The following SAMMSON variants were observed in gnomAD, a reference collection of about 807,000 sequenced individuals.
The protein encoded by SAMMSON is long intergenic non-protein coding RNA 1212.
At chr3:70,144,536 T>A (rs1337718251) in intron 4 of SAMMSON, among the ~76,000 whole-genome samples, 1 of 152,176 alleles carries the variant, frequency 6.6e-6, no homozygotes, top group Non-Finnish European at 1.5e-5. Flanking sequence ...CTGAACTTTA[T>A]CTAAAATGTC....
rs1701280331 is a variant in SAMMSON, at chr3:70,205,403, C to T, written n.508-43704C>T. 3 of 152,134 alleles carry T rather than the reference C, an allele frequency of 2.0e-5. 1 individual carries two copies. The Middle Eastern group carries it at 0.01, about 517-fold the overall frequency. The allele number at this position is 152,134 out of a possible 1,614,324, so 9.4% of individuals were successfully genotyped here. The stretch of plus-strand genomic sequence containing the variant: ...GGCAATTAAGCCTGTAGTTTCTGGC[C>T]TAAAGCATTCATGACAACATGTGCA... On this transcript the variant is annotated intron_variant and non_coding_transcript_variant, in intron 4 of 9. Transcript: ENST00000642114.
chr3:70,178,106 G>A (rs1701021800), intron 4 of SAMMSON, among the ~76,000 whole-genome samples: 1 of 152,124 alleles, frequency 6.6e-6, no homozygotes, highest in Admixed American at 6.5e-5. Context: ...CAGTTGCTGG[G>A]GATGTATATC....
chr3:70,038,990 A>G lies in SAMMSON; in HGVS notation n.417+25318A>G, dbSNP rs74667833. The stretch of plus-strand genomic sequence containing the variant: ...AGTTTTCTTGGAAATAGAGCCTGAG[A>G]CAGGGATGTGGTTATGTTATATGTG... On this transcript the variant is annotated intron_variant and non_coding_transcript_variant, in intron 3 of 9. Transcript: ENST00000642114. Among the ~76,000 whole-genome samples, 184 of 152,230 alleles carry G rather than the reference A, an allele frequency of 1.2e-3. 2 individuals are homozygous for G. Among genetic ancestry groups the G allele is most frequent in the African/African-American group, 4.1e-3 (172 of 41,550 alleles).
intron 4 of SAMMSON, among the ~76,000 whole-genome samples, chr3:70,242,266 G>A (rs1481913917): frequency 5.3e-5 from 8 of 152,122 alleles, no homozygotes; most frequent in African/African-American, 1.9e-4. Flanking sequence ...CTAAAATCAA[G>A]TTGGCTCTGA....
At chr3:70,266,354 A>AT (rs1352854101) in intron 6 of SAMMSON, among the ~76,000 whole-genome samples, 1 of 152,048 alleles carries the variant, frequency 6.6e-6, no homozygotes, top group Non-Finnish European at 1.5e-5. Context: ...AAATATAAAC[A>AT]TTTTGGGGCA....
intron 4 of SAMMSON, among the ~76,000 whole-genome samples, chr3:70,162,826 C>T (rs2067621426): frequency 6.6e-6 from 1 of 151,796 alleles, no homozygotes; most frequent in African/African-American, 2.4e-5. Context: ...TTGTTAGATG[C>T]ACATATGTTT....
chr3:70,003,631 T>C (rs577127427), intron 1 of SAMMSON, among the ~76,000 whole-genome samples: 2 of 152,052 alleles, frequency 1.3e-5, no homozygotes, highest in East Asian at 3.9e-4. Context: ...TGTATTTTAA[T>C]TTTATATATT....
chr3:70,282,742 A>C (rs1351580599), intron 6 of SAMMSON, among the ~76,000 whole-genome samples: 1 of 152,176 alleles, frequency 6.6e-6, no homozygotes, highest in Non-Finnish European at 1.5e-5. Flanking sequence ...CACCAGACTT[A>C]CCACAGACTT....
intron 9 of SAMMSON, among the ~76,000 whole-genome samples, chr3:70,368,696 C>T (rs1702940188): frequency 6.6e-6 from 1 of 151,498 alleles, no homozygotes; most frequent in Non-Finnish European, 1.5e-5. Flanking sequence ...GGGTCTAATT[C>T]TGGGCTCTCT....
intron 4 of SAMMSON, among the ~76,000 whole-genome samples, chr3:70,246,928 A>G (rs1701712604): frequency 6.6e-6 from 1 of 152,030 alleles, no homozygotes; most frequent in Admixed American, 6.6e-5. Context: ...TCTTTTTTCA[A>G]TAATTCGTAA....
chr3:70,302,306 T>C (rs2106702540), intron 7 of SAMMSON, among the ~76,000 whole-genome samples: 1 of 152,258 alleles, frequency 6.6e-6, no homozygotes, highest in South Asian at 2.1e-4. Context: ...TGTAGGTGCA[T>C]TTTATTAGCG....
intron 2 of SAMMSON, among the ~76,000 whole-genome samples, chr3:70,402,607 A>G (rs1201017325): frequency 6.6e-6 from 1 of 152,208 alleles, no homozygotes; most frequent in African/African-American, 2.4e-5. Context: ...TACGCCTATA[A>G]TCCCAACACT....
intron 4 of SAMMSON, among the ~76,000 whole-genome samples, chr3:70,240,287 G>A (rs539012077): frequency 6.0e-4 from 91 of 150,696 alleles, no homozygotes; most frequent in African/African-American, 2.2e-3. Context: ...ATCTCATCTT[G>A]GGGAAAAAAA....
chr3:70,131,773 A>G (rs2067483867), intron 4 of SAMMSON, among the ~76,000 whole-genome samples: 1 of 151,956 alleles, frequency 6.6e-6, no homozygotes, highest in African/African-American at 2.4e-5. Context: ...AAGTAGAGGT[A>G]GGGTCTCACT....
At chr3:70,154,460 C>T (rs2067584053) in intron 4 of SAMMSON, among the ~76,000 whole-genome samples, 1 of 152,012 alleles carries the variant, frequency 6.6e-6, no homozygotes. Flanking sequence ...CACTGTATTA[C>T]ATTGCCTCTC....
chr3:70,197,274 A>T (rs1022051892), intron 4 of SAMMSON: 7 of 397,494 alleles, frequency 1.8e-5, no homozygotes, highest in Non-Finnish European at 2.7e-5. Flanking sequence ...TGATAACTTG[A>T]TAGCCAACTC....
At chr3:70,027,794 C>T (rs1381614977) in intron 3 of SAMMSON, among the ~76,000 whole-genome samples, 1 of 152,146 alleles carries the variant, frequency 6.6e-6, no homozygotes, top group Non-Finnish European at 1.5e-5. Flanking sequence ...AAGGACAGCA[C>T]TGATGATAAA....
intron 4 of SAMMSON, among the ~76,000 whole-genome samples, chr3:70,238,424 A>G (rs1369869939): frequency 6.6e-6 from 1 of 151,986 alleles, no homozygotes; most frequent in African/African-American, 2.4e-5. Flanking sequence ...GCCTGGCAAC[A>G]TGTAGAAATC....
At chr3:70,035,971 C>G (rs2067083818) in intron 3 of SAMMSON, among the ~76,000 whole-genome samples, 1 of 151,920 alleles carries the variant, frequency 6.6e-6, no homozygotes, top group South Asian at 2.1e-4. Context: ...AACAATATAT[C>G]AAAAATAGTA....
Sources: allele counts gnomAD v4.1 joint callset (sites outside exome capture counted in the v4.1 genomes callset), GRCh38; gene constraint gnomAD v4.1.1; transcripts MANE v1.5; gene names NCBI Gene and HGNC (gene_info 2026-07-23, HGNC 2026-07-21).